The following ZNF385B variants were observed in gnomAD, a reference collection of about 807,000 sequenced individuals.
ZNF385B encodes the protein zinc finger protein 385B.
ZNF385B carries 23 observed loss-of-function variants against 39.2 expected under a neutral mutation model. The ratio of observed to expected loss-of-function variants is 0.59; its 90% confidence interval spans 0.42 to 0.83. ZNF385B has a LOEUF of 0.83. Ranked by LOEUF, ZNF385B falls within the 40% of genes least tolerant of loss-of-function variation. ZNF385B has a pLI of 0.00. For missense variants in ZNF385B, 552 were observed against 598.9 expected (o/e 0.92, Z 0.82); for synonymous variants, 205 against 222.6 (o/e 0.92, Z 0.70).
At chr2:179,494,384 C>T (rs766890886) in intron 5 of ZNF385B, among the ~76,000 whole-genome samples, 11 of 151,916 alleles carry the variant, frequency 7.2e-5, no homozygotes, top group Non-Finnish European at 1.5e-4. Flanking sequence ...TGGAGAGGCT[C>T]GGGGTGAGGC....
intron 3 of ZNF385B, among the ~76,000 whole-genome samples, chr2:179,671,073 C>T (rs1695927369): frequency 6.6e-6 from 1 of 152,236 alleles, no homozygotes; most frequent in Non-Finnish European, 1.5e-5. Flanking sequence ...GACTGGCACA[C>T]AGCAAATGCT....
At chr2:179,602,558 C>G (rs1475800548) in intron 3 of ZNF385B, among the ~76,000 whole-genome samples, 1 of 152,072 alleles carries the variant, frequency 6.6e-6, no homozygotes, top group Non-Finnish European at 1.5e-5. Context: ...TCACCTAAGA[C>G]TGCTAATTGG....
At chr2:179,679,875 C>T (rs962647846) in intron 3 of ZNF385B, among the ~76,000 whole-genome samples, 1 of 152,128 alleles carries the variant, frequency 6.6e-6, no homozygotes, top group South Asian at 2.1e-4. Flanking sequence ...CAGTCTAAAC[C>T]TGATCCCTGA....
chr2:179,823,158 G>A (rs1289583180), intron 1 of ZNF385B, among the ~76,000 whole-genome samples: 1 of 152,118 alleles, frequency 6.6e-6, no homozygotes, highest in Non-Finnish European at 1.5e-5. Context: ...AGATAAAGCA[G>A]TTGAGGTGAT....
intron 3 of ZNF385B, among the ~76,000 whole-genome samples, chr2:179,583,566 C>G (rs1686775248): frequency 2.6e-5 from 4 of 152,266 alleles, no homozygotes; most frequent in Admixed American, 6.5e-5. Flanking sequence ...AGTTTTCAAA[C>G]TAAGCCAGAA....
intron 3 of ZNF385B, among the ~76,000 whole-genome samples, chr2:179,696,326 C>CTTGTTTTTTTTT (rs1698743638): frequency 2.5e-5 from 1 of 40,354 alleles, no homozygotes; most frequent in Non-Finnish European, 4.1e-5. Flanking sequence ...CAAACTGGGA[C>CTTGTTTTTTTTT]TTTTTTTTTT....
At chr2:179,842,254 A>ATAT (rs1708574510) in intron 1 of ZNF385B, among the ~76,000 whole-genome samples, 1 of 152,146 alleles carries the variant, frequency 6.6e-6, no homozygotes, top group Admixed American at 6.5e-5. Flanking sequence ...AATATAACTA[A>ATAT]ACTTCTGCCA....
At chr2:179,587,481 A>C (rs781409938) in intron 3 of ZNF385B, among the ~76,000 whole-genome samples, 16 of 152,254 alleles carry the variant, frequency 1.1e-4, no homozygotes, top group Non-Finnish European at 2.2e-4. Context: ...ACAGTAAAAC[A>C]GAGCACTTAA....
intron 8 of ZNF385B, among the ~76,000 whole-genome samples, 190 bp from the exon 9 acceptor site, chr2:179,445,167 C>A (rs554592162): frequency 1.3e-5 from 2 of 152,292 alleles, no homozygotes; most frequent in South Asian, 4.2e-4. Flanking sequence ...TGTCCCCCTC[C>A]TGTTCTCTAT....
chr2:179,656,581 A>G (rs1475696499), intron 3 of ZNF385B, among the ~76,000 whole-genome samples: 1 of 152,194 alleles, frequency 6.6e-6, no homozygotes, highest in African/African-American at 2.4e-5. Flanking sequence ...TACTAAAAAC[A>G]TTAAAAAACA....
chr2:179,807,935 AAG>A lies in ZNF385B; in HGVS notation c.-154-37265_-154-37264del, dbSNP rs1381703153. On this transcript the variant is annotated intron_variant, in intron 1 of 9. Coordinates refer to ENST00000410066, the MANE Select transcript of ZNF385B (RefSeq NM_152520.6). ...GAAAGAAAGAAAGAAAGAAAGAAGG[AAG>A]GAAGGAAGGAAGGAAAGAATACAGC... Among the ~76,000 whole-genome samples, 496 of 151,274 alleles carry A rather than the reference AAG, an allele frequency of 3.3e-3. 3 individuals are homozygous for A. Among genetic ancestry groups the A allele is most frequent in the African/African-American group, 0.011 (459 of 41,196 alleles).
intron 4 of ZNF385B, among the ~76,000 whole-genome samples, chr2:179,525,013 G>A (rs1196124175): frequency 6.6e-6 from 1 of 152,108 alleles, no homozygotes; most frequent in Non-Finnish European, 1.5e-5. Context: ...ATCACTCGAG[G>A]CAGACATGAT....
intron 1 of ZNF385B, among the ~76,000 whole-genome samples, chr2:179,786,013 A>G (rs912881872): frequency 6.6e-6 from 1 of 152,180 alleles, no homozygotes; most frequent in African/African-American, 2.4e-5. Flanking sequence ...AGAAATTGCC[A>G]CTGCCACCCC....
chr2:179,812,515 A>T (rs930889192), intron 1 of ZNF385B, among the ~76,000 whole-genome samples: 1 of 152,240 alleles, frequency 6.6e-6, no homozygotes, highest in African/African-American at 2.4e-5. Flanking sequence ...GCTGGAGGCC[A>T]TTAATCTAAG....
intron 3 of ZNF385B, among the ~76,000 whole-genome samples, chr2:179,765,657 T>A (rs974229180): frequency 2.0e-5 from 3 of 152,238 alleles, no homozygotes; most frequent in Admixed American, 1.3e-4. Context: ...GCTTCTGTAC[T>A]CCCTAAACCC....
intron 3 of ZNF385B, among the ~76,000 whole-genome samples, chr2:179,768,633 A>G (rs1051711099): frequency 1.3e-5 from 2 of 152,144 alleles, no homozygotes; most frequent in East Asian, 3.9e-4. Flanking sequence ...CTTCCCCCAC[A>G]TTTGGGAGGA....
At chr2:179,832,127 A>G (rs1708019944) in intron 1 of ZNF385B, among the ~76,000 whole-genome samples, 1 of 152,184 alleles carries the variant, frequency 6.6e-6, no homozygotes, top group African/African-American at 2.4e-5. Context: ...CTGTGTCAGG[A>G]TTAGGAAGAT....
chr2:179,753,871 T>A (rs1450654539), intron 3 of ZNF385B, among the ~76,000 whole-genome samples: 1 of 152,254 alleles, frequency 6.6e-6, no homozygotes, highest in Non-Finnish European at 1.5e-5. Context: ...AATCATGTCA[T>A]CTGCAAACAG....
chr2:179,686,797 AC>A (rs1697956675), intron 3 of ZNF385B, among the ~76,000 whole-genome samples: 2 of 152,222 alleles, frequency 1.3e-5, no homozygotes, highest in Admixed American at 6.5e-5. Context: ...AAAACTGAAT[AC>A]CTTTCAACTA....
Sources: gnomAD v4.1 joint callset for allele counts (sites outside exome capture counted in the v4.1 genomes callset) on GRCh38, gnomAD v4.1.1 for gene constraint, MANE v1.5 for transcripts, NCBI Gene and HGNC (gene_info 2026-07-23, HGNC 2026-07-21) for gene names.